Variants in MACROD2 observed in about 807,000 individuals in gnomAD.
MACROD2 encodes the protein ADP-ribose glycohydrolase MACROD2.
A neutral mutation model predicts 70.4 loss-of-function variants in MACROD2; 36 were observed. The observed-to-expected ratio is 0.51, with a 90% CI of 0.39 to 0.68. MACROD2 has a LOEUF of 0.68. MACROD2 is among the 30% of genes least tolerant of loss of function. The pLI is 0.00. For synonymous variants in MACROD2, 172 were observed against 178.8 expected (o/e 0.96, Z 0.30); for missense variants, 496 against 538.4 (o/e 0.92, Z 0.78).
chr20:14,594,967 A>G (rs969160098), intron 4 of MACROD2, among the ~76,000 whole-genome samples: 2 of 152,166 alleles, frequency 1.3e-5, no homozygotes, highest in African/African-American at 4.8e-5. Context: ...ATTTCACCAT[A>G]CACTTTTCCT....
chr20:15,275,743 T>C (rs1423966807), intron 6 of MACROD2, among the ~76,000 whole-genome samples: 3 of 152,138 alleles, frequency 2.0e-5, no homozygotes, highest in Non-Finnish European at 4.4e-5. Context: ...AAGCTATATC[T>C]GGCACAGGTG....
chr20:15,324,175 TTC>T (rs888369214), intron 6 of MACROD2, among the ~76,000 whole-genome samples: 5 of 152,130 alleles, frequency 3.3e-5, no homozygotes, highest in African/African-American at 1.2e-4. Context: ...GAGATAGTTA[TTC>T]TCTCTTTCTC....
At chr20:14,289,457 T>C (rs2082368831) in intron 3 of MACROD2, among the ~76,000 whole-genome samples, 1 of 152,248 alleles carries the variant, frequency 6.6e-6, no homozygotes. Context: ...AGTGTTCCTT[T>C]CACATACTCC....
intron 3 of MACROD2, among the ~76,000 whole-genome samples, chr20:14,174,590 G>A (rs1009968055): frequency 3.9e-5 from 6 of 152,114 alleles, no homozygotes; most frequent in African/African-American, 1.2e-4. Context: ...CAGGCCTCCC[G>A]GCTGAGAAAG....
intron 5 of MACROD2, among the ~76,000 whole-genome samples, chr20:14,688,702 C>G (rs1019009752): frequency 1.3e-5 from 2 of 152,026 alleles, no homozygotes; most frequent in Admixed American, 1.3e-4. Flanking sequence ...TTTTTAGAAG[C>G]TTGTTGACAT....
intron 3 of MACROD2, among the ~76,000 whole-genome samples, chr20:14,179,408 C>T (rs1478194985): frequency 6.6e-6 from 1 of 151,922 alleles, no homozygotes; most frequent in Non-Finnish European, 1.5e-5. Context: ...ATTCTTGTGC[C>T]CTTGCTAAGT....
chr20:14,533,725 C>A lies in MACROD2; in HGVS notation c.301+40217C>A, dbSNP rs1026162711. On this transcript the variant is annotated intron_variant, in intron 4 of 17. Transcript: ENST00000684519. ...TAAATTCTCATATACTATTGTATAC[C>A]TCTTTTACTACAATCATCACTTTCT... Among the ~76,000 whole-genome samples the A allele has an allele frequency of 3.3e-5, 5 of 152,120 alleles. No homozygotes were observed. The East Asian group carries it at 9.7e-4, about 29-fold the overall frequency.
chr20:15,149,968 G>C (rs989713328), intron 5 of MACROD2, among the ~76,000 whole-genome samples: 3 of 151,952 alleles, frequency 2.0e-5, no homozygotes, highest in African/African-American at 7.3e-5. Context: ...TTTATGTAAT[G>C]GTTTTGTTAG....
At chr20:14,430,845 G>A (rs6042728) in intron 3 of MACROD2, among the ~76,000 whole-genome samples, 3,711 of 152,160 alleles carry the variant, frequency 0.024, 142 homozygotes, top group African/African-American at 0.083. Flanking sequence ...AGAGGTAAGC[G>A]CCTTCACCTT....
chr20:15,720,358 T>G (rs894808750), intron 8 of MACROD2, among the ~76,000 whole-genome samples: 1 of 152,178 alleles, frequency 6.6e-6, no homozygotes, highest in Non-Finnish European at 1.5e-5. Flanking sequence ...ACTTTTAATT[T>G]TTTGAGGAAC....
At chr20:15,024,456 G>T (rs1181923788) in intron 5 of MACROD2, among the ~76,000 whole-genome samples, 1 of 151,938 alleles carries the variant, frequency 6.6e-6, no homozygotes, top group Admixed American at 6.6e-5. Flanking sequence ...AATTAATTTG[G>T]TTTATTTGAG....
chr20:15,417,585 C>A (rs1467859654), intron 6 of MACROD2, among the ~76,000 whole-genome samples: 1 of 110,176 alleles, frequency 9.1e-6, no homozygotes, highest in African/African-American at 3.7e-5. Flanking sequence ...GGTGACAGAG[C>A]GAAACCCTGT....
chr20:15,462,889 T>A (rs114985767), intron 7 of MACROD2, among the ~76,000 whole-genome samples: 1,581 of 152,272 alleles, frequency 0.01, 22 homozygotes, highest in African/African-American at 0.036. Flanking sequence ...CTTAAACTTA[T>A]CCAGTAAAAG....
intron 4 of MACROD2, among the ~76,000 whole-genome samples, chr20:14,638,804 G>T (rs189659970): frequency 6.6e-6 from 1 of 152,120 alleles, no homozygotes; most frequent in African/African-American, 2.4e-5. Flanking sequence ...CAAAAAGTTA[G>T]CCAGGGGTGG....
At chr20:14,757,559 C>G in intron 5 of MACROD2, 1 of 945,828 alleles carries the variant, frequency 1.1e-6, no homozygotes, top group Admixed American at 2.0e-5. Context: ...CTACAGCCAT[C>G]AAGATGTTGA....
Position 15,862,661 on chromosome 20 carries a change from A to G in MACROD2, c.646-84A>G, listed in dbSNP as rs78531055. 2,098 of 1,092,306 alleles carry G rather than the reference A, an allele frequency of 1.9e-3. 33 individuals carry two copies. In the African/African-American group the frequency reaches 0.03, roughly 15 times the overall value. 67.7% of individuals were successfully genotyped at this position (1,092,306 alleles called of 1,614,324 possible). A position where few individuals can be genotyped will look rare whatever the true frequency, so the allele number is the denominator to read the frequency against. On this transcript the variant is annotated intron_variant, in intron 8 of 17. Coordinates refer to ENST00000684519, the MANE Select transcript of MACROD2 (RefSeq NM_001351661.2). ...CCAAAAATCTGTATGAGGCCTTTCC[A>G]TTTGTTTTTGTTCTACGGCTATGTC...
At chr20:14,027,820 C>T (rs1364511650) in intron 2 of MACROD2, among the ~76,000 whole-genome samples, 9 of 152,062 alleles carry the variant, frequency 5.9e-5, no homozygotes, top group Admixed American at 4.6e-4. Context: ...AGATGCCAGC[C>T]GGAGCTCTCC....
chr20:14,922,775 A>G (rs559681247), intron 5 of MACROD2, among the ~76,000 whole-genome samples: 1 of 152,292 alleles, frequency 6.6e-6, no homozygotes, highest in South Asian at 2.1e-4. Flanking sequence ...TCACTGAACT[A>G]CATATCTAAT....
rs117391820 is a variant in MACROD2, at chr20:15,527,090, C to T, written c.645+27243C>T. On this transcript the variant is annotated intron_variant, in intron 8 of 17. Coordinates refer to ENST00000684519, the MANE Select transcript of MACROD2 (RefSeq NM_001351661.2). ...AAGTAAGCTCACTATCTCAGCTTTC[C>T]CTCCCCTTGTCTGAGCTCAGAGCAT... Among the ~76,000 whole-genome samples, 132 of 152,100 alleles carry T rather than the reference C, an allele frequency of 8.7e-4. 1 individual carries two copies. In the East Asian group the frequency reaches 0.024, roughly 27 times the overall value.
Sources: allele counts gnomAD v4.1 joint callset (sites outside exome capture counted in the v4.1 genomes callset), GRCh38; gene constraint gnomAD v4.1.1; transcripts MANE v1.5; gene names NCBI Gene and HGNC (gene_info 2026-07-23, HGNC 2026-07-21).